The following GBP4 variants were observed in gnomAD, a reference collection of about 807,000 sequenced individuals.
GBP4 encodes the protein guanylate binding protein 4, also known as guanylate-binding protein 4.
A neutral mutation model predicts 62.2 loss-of-function variants in GBP4; 69 were observed. The ratio of observed to expected loss-of-function variants is 1.11; its 90% CI spans 0.91 to 1.36. The LOEUF (loss-of-function observed/expected upper bound fraction) is 1.36, where lower values mean the gene tolerates loss of function less well. Ranked by LOEUF, GBP4 falls within the 40% of genes most tolerant of loss-of-function variation. GBP4 has a pLI of 0.00. For missense variants in GBP4, 697 were observed against 759.3 expected (o/e 0.92, Z 0.96); for synonymous variants, 278 against 274.6 (o/e 1.01, Z -0.12).
In GBP4 at chr1:89,195,427, G is replaced by A; in HGVS notation, c.236-3C>T. On this transcript the variant is annotated splice_region_variant and splice_polypyrimidine_tract_variant and intron_variant, in intron 2 of 10. Transcript: ENST00000355754. Reference sequence around the variant, plus strand: ...CACCGTGGAGCCCAGAGGGAAGCCTGCAGGGAAGAGGAAAAATAACAAACA... The same window carrying A: ...CACCGTGGAGCCCAGAGGGAAGCCTACAGGGAAGAGGAAAAATAACAAACA... 6.2e-7 allele frequency: 1 copy of A among 1,613,534 alleles called. No individual in the cohort carries two copies. Among genetic ancestry groups the A allele is most frequent in the South Asian group, 1.1e-5 (1 of 91,086 alleles).
chr1:89,186,213 A>G, intron 10 of GBP4, 120 bp downstream of exon 10: 1 of 756,446 alleles, frequency 1.3e-6, no homozygotes, highest in Non-Finnish European at 2.2e-6. Flanking sequence ...GATTTTAGTG[A>G]AACATACAAC....
Position 89,191,479 on chromosome 1 carries a change from T to G in GBP4, c.698A>C (p.Asn233Thr), listed in dbSNP as rs1260964956. 6.2e-7 allele frequency: 1 copy of G among 1,612,442 alleles called. No homozygotes were observed. The highest frequency in any genetic ancestry group is 8.5e-7 in the Non-Finnish European group (1 of 1,178,978). ...ATGCCTGATACACTCTCTAGGCATG[T>G]TTGAATTTTGAATTTTGGGATTCTT... ...PGKNPKIQNS[N>T]MPRECIRHFF... Residue 233 changes from asparagine (N) to threonine (T), a missense_variant, in exon 6 of 11, where the codon AAC (asparagine) becomes ACC (threonine). Asn to Thr is a moderately conservative substitution (Grantham distance 65). This residue lies in a region of GBP4 where 556 missense variants were observed against 562.7 expected (regional missense o/e 0.99). Transcript: ENST00000355754.
intron 5 of GBP4, 42 bp from the exon 6 acceptor site, chr1:89,191,548 T>C: frequency 6.3e-7 from 1 of 1,594,472 alleles, no homozygotes; most frequent in Non-Finnish European, 8.6e-7. Flanking sequence ...AGAGACAGCC[T>C]GCAGGCAAGG....
rs752608414 is a variant in GBP4 at position 89,193,005 on chromosome 1, T to A, written c.569A>T (p.Asp190Val). 9 of 1,614,126 alleles carry A rather than the reference T, an allele frequency of 5.6e-6. No homozygotes were observed. The Admixed American group carries it at 1.5e-4, about 27-fold the overall frequency. Residue 190 changes from aspartate to valine, a missense_variant, in exon 5 of 11, where the codon GAC becomes GTC. This residue lies in a region of GBP4 where 556 missense variants were observed against 562.7 expected (regional missense o/e 0.99). Coordinates refer to ENST00000355754, the MANE Select transcript of GBP4 (RefSeq NM_052941.5). ...DSSEFASFFP[D>V]FIWTVRDFTL... ...AAAATCCCGAACAGTCCAAATAAAG[T>A]CTGGAAAGAAACTCGCAAACTCGCT...
intron 6 of GBP4, among the ~76,000 whole-genome samples, chr1:89,190,797 A>G (rs1212100569): frequency 6.6e-6 from 1 of 151,980 alleles, no homozygotes; most frequent in Non-Finnish European, 1.5e-5. Context: ...GCACAGGCCC[A>G]TCTCACCATA....
chr1:89,192,220 T>C (rs2100677147), intron 5 of GBP4, among the ~76,000 whole-genome samples: 1 of 152,336 alleles, frequency 6.6e-6, no homozygotes, highest in African/African-American at 2.4e-5. Context: ...TGGATATTGA[T>C]TGTAGGTGCC....
Position 89,183,296 on chromosome 1 carries a change from G to A in GBP4, c.*1958C>T, listed in dbSNP as rs777656783. 1.3e-5 allele frequency: 2 copies of A among 152,138 alleles called. No individual in the cohort carries two copies. The highest frequency in any genetic ancestry group is 2.9e-5 in the Non-Finnish European group (2 of 68,030). 9.4% of individuals were successfully genotyped at this position (152,138 alleles called of 1,614,324 possible). On this transcript the variant is annotated 3_prime_UTR_variant, in exon 11 of 11. Transcript: ENST00000355754. Reference sequence around the variant, plus strand: ...GACAAAGCTGACAAAAACAAGCAATGGGGAAAGAAGTCCCCATTTAATAAA... The same window carrying A: ...GACAAAGCTGACAAAAACAAGCAATAGGGAAAGAAGTCCCCATTTAATAAA...
rs755161043 is a variant in GBP4 at position 89,181,996 on chromosome 1, T to G, written c.*3258A>C. On this transcript the variant is annotated 3_prime_UTR_variant, in exon 11 of 11. Coordinates refer to ENST00000355754, the MANE Select transcript of GBP4 (RefSeq NM_052941.5). ...AATTACAAGATACCCCTGAAAGAAATAAGAGATGTCACAAACAAATGGAAA... is the reference window on the plus strand; with the variant it reads ...AATTACAAGATACCCCTGAAAGAAAGAAGAGATGTCACAAACAAATGGAAA... 3 of 151,792 alleles carry G rather than the reference T, an allele frequency of 2.0e-5. No individual in the cohort carries two copies. The highest frequency in any genetic ancestry group is 4.4e-5 in the Non-Finnish European group (3 of 67,962). The allele number at this position is 151,792 out of a possible 1,614,324, so 9.4% of individuals were successfully genotyped here.
intron 4 of GBP4, 92 bp from the exon 5 acceptor site, chr1:89,193,192 CTG>C: frequency 1.3e-6 from 2 of 1,527,136 alleles, no homozygotes; most frequent in Admixed American, 1.7e-5. Flanking sequence ...CTTTTGCACT[CTG>C]TCTTTTCTTA....
Position 89,197,211 on chromosome 1 carries a change from A to C in GBP4, c.134T>G (p.Ile45Ser), listed in dbSNP as rs777701855. ...QLTVNSKALE[I>S]LDKISQPVVV... The stretch of plus-strand genomic sequence containing the variant: ...CACGGGCTGAGAAATCTTGTCAAGA[A>C]TCTCTAATGCCTTTGAATTCACTGT... Residue 45 changes from isoleucine (I) to serine (S), a missense_variant, in exon 2 of 11, where the codon ATT (isoleucine) becomes AGT (serine). Coordinates refer to ENST00000355754, the MANE Select transcript of GBP4 (RefSeq NM_052941.5). 1.1e-5 allele frequency: 18 copies of C among 1,614,028 alleles called. No homozygotes were observed. The South Asian group carries it at 1.8e-4, about 16-fold the overall frequency.
At chr1:89,194,143 G>A (rs1288009247) in intron 3 of GBP4, among the ~76,000 whole-genome samples, 1 of 152,194 alleles carries the variant, frequency 6.6e-6, no homozygotes, top group Non-Finnish European at 1.5e-5. Context: ...TAGAAGCCAA[G>A]TCAGAATTGT....
Position 89,193,423 on chromosome 1 carries a change from T to C in GBP4, c.364-11A>G. ...ATTCTTAGGGTTACTCTAGAAAGCA[T>C]ATAAAGCAAAAGACTTAGGAGTATT... On this transcript the variant is annotated splice_polypyrimidine_tract_variant and intron_variant, in intron 3 of 10. Coordinates refer to ENST00000355754, the MANE Select transcript of GBP4 (RefSeq NM_052941.5). The C allele has an allele frequency of 6.2e-7, 1 of 1,607,104 alleles. No individual in the cohort carries two copies. The highest frequency in any genetic ancestry group is 8.5e-7 in the Non-Finnish European group (1 of 1,173,716).
At position 89,190,232 on chromosome 1, in the gene GBP4, G is replaced by A. The variant is rs200329667; in HGVS notation, c.1003C>T (p.Gln335Ter). 1.2e-5 allele frequency: 20 copies of A among 1,614,012 alleles called. No individual in the cohort carries two copies. The Admixed American group carries it at 3.3e-4, about 27-fold the overall frequency. Residue 335 changes from glutamine to a stop codon, truncating the protein, a stop_gained, in exon 7 of 11, where the codon CAG becomes TAG. Coordinates refer to ENST00000355754, the MANE Select transcript of GBP4 (RefSeq NM_052941.5). LOFTEE classifies it high-confidence loss of function. ...CLENAVTALA[Q>*]LENPAAVQRA... The stretch of plus-strand genomic sequence containing the variant: ...TGCACAGCCGCTGGGTTCTCAAGCT[G>A]GGCCAGTGCTGTCACTGCATTCTCC...
intron 4 of GBP4, 21 bp from the exon 5 acceptor site, chr1:89,193,121 G>A: frequency 6.2e-7 from 1 of 1,610,262 alleles, no homozygotes; most frequent in African/African-American, 1.3e-5. Flanking sequence ...AGCTAAGGAA[G>A]GATAGCACCC....
Position 89,191,420 on chromosome 1 carries a change from G to T in GBP4, c.757C>A (p.Arg253=), listed in dbSNP as rs146643676. The T allele has an allele frequency of 1.2e-5, 19 of 1,613,990 alleles. No homozygotes were observed. Among genetic ancestry groups the T allele is most frequent in the Non-Finnish European group, 1.6e-5 (19 of 1,180,006 alleles). Residue 253 remains arginine, a synonymous_variant, in exon 6 of 11, where the codon CGG becomes AGG. Transcript: ENST00000355754. ...AAATATTGCTTGTCATTTGTAGGCC[G>T]GTCAAAGACAAAGCACTTCCGTTTT... is the stretch of plus-strand genomic sequence containing the variant. ...FRKRKCFVFD[R]PTNDKQYLNH... is the part of the protein sequence containing the mutation.
At position 89,193,344 on chromosome 1, in the gene GBP4, G is replaced by A. The variant is rs778278206; in HGVS notation, c.432C>T (p.Asn144=). The change falls in exon 4 of 11, where the codon AAC becomes AAT. Residue 144 remains asparagine (N), a synonymous_variant. Coordinates refer to ENST00000355754, the MANE Select transcript of GBP4 (RefSeq NM_052941.5). ...AVLLSSSFVY[N]SVSTINHQAL... ...CCTGGTGGTTGATGGTGCTCACGCT[G>A]TTATAGACAAAGCTGCTGCTTAGAA... 4 of 1,614,152 alleles carry A rather than the reference G, an allele frequency of 2.5e-6. No homozygotes were observed. The highest frequency in any genetic ancestry group is 3.4e-6 in the Non-Finnish European group (4 of 1,180,020).
At chr1:89,198,759 A>G (rs1338510071) in intron 1 of GBP4, 36 bp downstream of exon 1, 1 of 1,585,208 alleles carries the variant, frequency 6.3e-7, no homozygotes, top group Non-Finnish European at 8.7e-7. Context: ...TATAACCCAA[A>G]TATACTTGAA....
intron 5 of GBP4, 79 bp downstream of exon 5, chr1:89,192,825 G>C: frequency 7.6e-7 from 1 of 1,318,822 alleles, no homozygotes. Context: ...GTAAACATTT[G>C]TGTCAGGTGC....
Position 89,190,147 on chromosome 1 carries a change from G to C in GBP4, c.1088C>G (p.Thr363Arg). The part of the protein sequence containing the change: ...MAQQLRLPTD[T>R]LQELLDVHAA... ...ATGCACGTCCAGCAGCTCCTGGAGC[G>C]TGTCTGTGGGGAGCCTCAGTTGCTG... is the stretch of plus-strand genomic sequence containing the variant. The change falls in exon 7 of 11, where the codon ACG (threonine) becomes AGG (arginine). Residue 363 changes from threonine (T) to arginine (R), a missense_variant. Thr to Arg is a moderately conservative substitution (Grantham distance 71, BLOSUM62 -1). Coordinates refer to ENST00000355754, the MANE Select transcript of GBP4 (RefSeq NM_052941.5). 1 of 1,614,164 alleles carries C rather than the reference G, an allele frequency of 6.2e-7. No homozygotes were observed. The highest frequency in any genetic ancestry group is 8.5e-7 in the Non-Finnish European group (1 of 1,180,028).
Sources: gnomAD v4.1 joint callset for allele counts (sites outside exome capture counted in the v4.1 genomes callset) on GRCh38, gnomAD v4.1.1 for gene constraint, gnomAD v4.1.1 regional missense constraint, MANE v1.5 for transcripts, NCBI Gene and HGNC (gene_info 2026-07-23, HGNC 2026-07-21) for gene names.